MAF: variants seen among roughly 807,000 people sequenced by gnomAD.
The protein encoded by MAF is MAF bZIP transcription factor.
MAF carries 10 observed loss-of-function variants against 22.0 expected under a neutral mutation model. The ratio of observed to expected loss-of-function variants is 0.45; its 90% CI spans 0.28 to 0.77. MAF has a LOEUF of 0.77. Among genes scored for constraint, MAF ranks in the 30% least tolerant of loss-of-function variants. MAF has a pLI of 0.12. For missense variants in MAF, 544 were observed against 548.4 expected (o/e 0.99, Z 0.08); for synonymous variants, 337 against 255.8 (o/e 1.32, Z -3.03).
At chr16:79,566,433 G>T in the MAF span, among the ~76,000 whole-genome samples, 10 of 152,338 alleles carry the variant, frequency 6.6e-5, no homozygotes, top group Non-Finnish European at 1.3e-4. Flanking sequence ...TGGCCCAGTG[G>T]ATCCGTGCTG....
the MAF span, among the ~76,000 whole-genome samples, chr16:79,257,255 T>G: frequency 2.0e-5 from 3 of 152,166 alleles, no homozygotes; most frequent in Non-Finnish European, 2.9e-5. Context: ...GTTGTTTAGT[T>G]AATATAGTAT....
At chr16:79,390,081 G>A in the MAF span, among the ~76,000 whole-genome samples, 1 of 151,080 alleles carries the variant, frequency 6.6e-6, no homozygotes, top group Non-Finnish European at 1.5e-5. Flanking sequence ...GAGCATCTGT[G>A]TGTGTGTGTG....
chr16:79,342,760 G>A, the MAF span, among the ~76,000 whole-genome samples: 5 of 152,184 alleles, frequency 3.3e-5, no homozygotes, highest in South Asian at 1.0e-3. Flanking sequence ...GGTGGGTCAC[G>A]TTACTAACCC....
At chr16:79,550,463 T>A in the MAF span, among the ~76,000 whole-genome samples, 1 of 152,062 alleles carries the variant, frequency 6.6e-6, no homozygotes, top group Non-Finnish European at 1.5e-5. Context: ...CTTTGACTCT[T>A]CCAGTCAGTA....
chr16:79,511,378 T>C, the MAF span, among the ~76,000 whole-genome samples: 5 of 152,166 alleles, frequency 3.3e-5, no homozygotes, highest in African/African-American at 1.2e-4. Flanking sequence ...AGAGAGGGAA[T>C]GGTTTACTTA....
chr16:79,433,002 A>T, the MAF span, among the ~76,000 whole-genome samples: 1 of 152,178 alleles, frequency 6.6e-6, no homozygotes. Flanking sequence ...AGCCTAGCAA[A>T]CTAATACACC....
At chr16:79,415,120 G>T in the MAF span, among the ~76,000 whole-genome samples, 1 of 152,226 alleles carries the variant, frequency 6.6e-6, no homozygotes, top group Admixed American at 6.5e-5. Context: ...ATCTTTGAGA[G>T]CAGCTCTAAC....
At chr16:79,453,974 G>T in the MAF span, among the ~76,000 whole-genome samples, 4 of 152,152 alleles carry the variant, frequency 2.6e-5, no homozygotes, top group South Asian at 8.3e-4. Context: ...AATAATAATG[G>T]CATTAATTCA....
the MAF span, among the ~76,000 whole-genome samples, chr16:79,382,927 G>A: frequency 7.2e-5 from 11 of 152,142 alleles, no homozygotes; most frequent in Non-Finnish European, 1.5e-4. Context: ...TTGGCCTTTC[G>A]AGCCCAGGTC....
chr16:79,226,109 G>A, the MAF span, among the ~76,000 whole-genome samples: 2 of 152,170 alleles, frequency 1.3e-5, no homozygotes, highest in Admixed American at 6.5e-5. Context: ...GTGCACAGTA[G>A]TAAAGACTTG....
chr16:79,516,813 A>C, the MAF span, among the ~76,000 whole-genome samples: 4 of 147,122 alleles, frequency 2.7e-5, no homozygotes, highest in African/African-American at 1.0e-4. Flanking sequence ...CTAAAGAACA[A>C]GGAAAGACAG....
the MAF span, among the ~76,000 whole-genome samples, chr16:79,573,946 T>C: frequency 6.6e-5 from 10 of 152,298 alleles, no homozygotes; most frequent in African/African-American, 2.2e-4. Flanking sequence ...TTATCTCCCG[T>C]TCGTTTGCCT....
the MAF span, among the ~76,000 whole-genome samples, chr16:79,373,092 T>C: frequency 6.6e-6 from 1 of 152,204 alleles, no homozygotes; most frequent in Non-Finnish European, 1.5e-5. Flanking sequence ...GGTTATAGGA[T>C]ATCTCTAGCC....
chr16:79,541,999 G>A, the MAF span, among the ~76,000 whole-genome samples: 128 of 152,218 alleles, frequency 8.4e-4, no homozygotes, highest in African/African-American at 3.1e-3. Flanking sequence ...TCAGATTGTG[G>A]CATTTGCTCA....
chr16:79,458,612 T>C, the MAF span, among the ~76,000 whole-genome samples: 1 of 152,220 alleles, frequency 6.6e-6, no homozygotes, highest in Non-Finnish European at 1.5e-5. Flanking sequence ...TGTGCATTTC[T>C]GTATTTTCCA....
the MAF span, among the ~76,000 whole-genome samples, chr16:79,455,171 A>C: frequency 1.3e-5 from 2 of 151,658 alleles, no homozygotes; most frequent in African/African-American, 4.8e-5. Context: ...TTAAAGGTCA[A>C]CTCAACAACA....
chr16:79,212,466 A>C, the MAF span: 1 of 238,650 alleles, frequency 4.2e-6, no homozygotes, highest in Non-Finnish European at 8.3e-6. Flanking sequence ...TTTTCAAATC[A>C]TTCCTTAGAT....
chr16:79,268,234 G>A, the MAF span, among the ~76,000 whole-genome samples: 2 of 152,066 alleles, frequency 1.3e-5, no homozygotes, highest in Admixed American at 6.5e-5. Flanking sequence ...CACAAACACC[G>A]GAATTGTGCG....
chr16:79,224,900 G>T, the MAF span, among the ~76,000 whole-genome samples: 1 of 152,140 alleles, frequency 6.6e-6, no homozygotes, highest in Non-Finnish European at 1.5e-5. Context: ...ATGCTCATGG[G>T]TAGGAAGAAT....
Sources: allele counts gnomAD v4.1 joint callset (sites outside exome capture counted in the v4.1 genomes callset), GRCh38; gene constraint gnomAD v4.1.1; transcripts MANE v1.5; gene names NCBI Gene and HGNC (gene_info 2026-07-23, HGNC 2026-07-21).